SPATA16: variants seen among roughly 807,000 people sequenced by gnomAD.
SPATA16 encodes the protein spermatogenesis associated 16.
Under a neutral mutation model 63.3 loss-of-function variants are expected in SPATA16, and 36 were observed. The ratio of observed to expected loss-of-function variants is 0.57; its 90% CI spans 0.44 to 0.75. The LOEUF is 0.75. Among genes scored for constraint, SPATA16 ranks in the 30% least tolerant of loss-of-function variants. SPATA16 has a pLI of 0.00. For synonymous variants in SPATA16, 203 were observed against 216.7 expected, an observed-to-expected ratio of 0.94 and a Z score of 0.56; for missense variants, 646 against 679.3, an observed-to-expected ratio of 0.95 and a Z score of 0.54.
intron 10 of SPATA16, among the ~76,000 whole-genome samples, chr3:172,911,184 G>A (rs79530999): frequency 0.019 from 2,883 of 152,224 alleles, 92 homozygotes; most frequent in African/African-American, 0.066. Flanking sequence ...TTCTGTAGTA[G>A]CAGCCAAATT....
chr3:173,097,116 G>A (rs1290310274), intron 2 of SPATA16, among the ~76,000 whole-genome samples: 2 of 151,970 alleles, frequency 1.3e-5, no homozygotes, highest in South Asian at 2.1e-4. Flanking sequence ...ATCTCATACC[G>A]TTTTGCCTTA....
At chr3:173,115,651 A>G (rs1162138409) in intron 2 of SPATA16, among the ~76,000 whole-genome samples, 1 of 152,180 alleles carries the variant, frequency 6.6e-6, no homozygotes, top group Non-Finnish European at 1.5e-5. Flanking sequence ...TTTGTGTGCT[A>G]CCTAATTACT....
At chr3:173,135,555 A>T (rs1738522806) in intron 1 of SPATA16, among the ~76,000 whole-genome samples, 1 of 152,228 alleles carries the variant, frequency 6.6e-6, no homozygotes, top group African/African-American at 2.4e-5. Context: ...CATAGAAAAG[A>T]TAAAAATATT....
chr3:173,063,232 A>G (rs1193600359), intron 2 of SPATA16, among the ~76,000 whole-genome samples: 1 of 152,214 alleles, frequency 6.6e-6, no homozygotes, highest in African/African-American at 2.4e-5. Flanking sequence ...ATAGGTCAAC[A>G]TGTATTGAGC....
chr3:173,033,546 G>A (rs1454929516), intron 3 of SPATA16, among the ~76,000 whole-genome samples: 1 of 152,048 alleles, frequency 6.6e-6, no homozygotes, highest in Non-Finnish European at 1.5e-5. Context: ...AGCTCTCAAG[G>A]TTCAGAAACC....
chr3:173,023,338 C>G (rs1274625579), intron 3 of SPATA16, among the ~76,000 whole-genome samples: 1 of 151,974 alleles, frequency 6.6e-6, no homozygotes, highest in East Asian at 1.9e-4. Context: ...ACACTTGGGT[C>G]TATGGCTGGG....
intron 5 of SPATA16, among the ~76,000 whole-genome samples, 176 bp downstream of exon 5, chr3:172,976,792 C>T (rs1032336532): frequency 6.6e-6 from 1 of 151,880 alleles, no homozygotes; most frequent in African/African-American, 2.4e-5. Context: ...GAATTTTGCC[C>T]CTAGAATTAG....
rs1253373752 is a variant in SPATA16 at position 172,925,554 on chromosome 3, TC to T, written c.1082-63del. On this transcript the variant is annotated intron_variant, in intron 6 of 10. Coordinates refer to ENST00000351008, the MANE Select transcript of SPATA16 (RefSeq NM_031955.6). ...TATGGTTTTAATATTTTTAGGGTTT[TC>T]CCCCCCAGATTTCAGGAATTGTACT... is the stretch of plus-strand genomic sequence containing the variant. The T allele has an allele frequency of 5.6e-6, 9 of 1,604,444 alleles. No individual in the cohort carries two copies. The Admixed American group carries it at 6.7e-5, about 12-fold the overall frequency.
At chr3:172,901,066 A>G (rs1732117334) in intron 10 of SPATA16, among the ~76,000 whole-genome samples, 1 of 151,702 alleles carries the variant, frequency 6.6e-6, no homozygotes, top group South Asian at 2.1e-4. Flanking sequence ...CAGTTCTAAA[A>G]TTTCTATTTA....
intron 5 of SPATA16, among the ~76,000 whole-genome samples, chr3:172,961,126 C>G (rs1040751114): frequency 1.5e-5 from 2 of 132,586 alleles, no homozygotes; most frequent in African/African-American, 5.6e-5. Flanking sequence ...TCCTTCCTTC[C>G]TTTCTCTTTC....
intron 5 of SPATA16, among the ~76,000 whole-genome samples, chr3:172,964,832 A>G (rs1733875860): frequency 1.3e-5 from 2 of 152,154 alleles, no homozygotes; most frequent in African/African-American, 4.8e-5. Flanking sequence ...AATTTGTTTT[A>G]TCTTTTGGGC....
At chr3:173,023,542 A>T (rs908168461) in intron 3 of SPATA16, among the ~76,000 whole-genome samples, 1 of 151,978 alleles carries the variant, frequency 6.6e-6, no homozygotes, top group African/African-American at 2.4e-5. Context: ...TCCAGCTACA[A>T]AAAGATCATT....
At chr3:173,089,186 C>T (rs484212) in intron 2 of SPATA16, among the ~76,000 whole-genome samples, 2,112 of 152,202 alleles carry the variant, frequency 0.014, 25 homozygotes, top group Admixed American at 0.028. Flanking sequence ...AGAATACATC[C>T]ATAGAGAATT....
At chr3:172,990,225 G>A (rs1734544383) in intron 4 of SPATA16, among the ~76,000 whole-genome samples, 1 of 152,230 alleles carries the variant, frequency 6.6e-6, no homozygotes, top group Non-Finnish European at 1.5e-5. Flanking sequence ...AGCTCCATAA[G>A]GGCAGGCATT....
At chr3:173,119,024 G>T (rs895847653) in intron 1 of SPATA16, among the ~76,000 whole-genome samples, 1 of 152,148 alleles carries the variant, frequency 6.6e-6, no homozygotes, top group Non-Finnish European at 1.5e-5. Flanking sequence ...TCATTTGTTT[G>T]TTTGGAAGAC....
chr3:173,063,274 C>T (rs1340927911), intron 2 of SPATA16, among the ~76,000 whole-genome samples: 1 of 152,108 alleles, frequency 6.6e-6, no homozygotes, highest in African/African-American at 2.4e-5. Context: ...TTGCATTAAT[C>T]ACTTATGTCT....
At chr3:172,970,125 T>C (rs189027929) in intron 5 of SPATA16, among the ~76,000 whole-genome samples, 12 of 152,304 alleles carry the variant, frequency 7.9e-5, no homozygotes, top group Admixed American at 7.2e-4. Context: ...AATTGCATTA[T>C]TTATTAAAAA....
intron 1 of SPATA16, among the ~76,000 whole-genome samples, chr3:173,133,688 T>C (rs1010633750): frequency 3.3e-5 from 5 of 151,970 alleles, no homozygotes; most frequent in South Asian, 2.1e-4. Flanking sequence ...TATAAAAAAA[T>C]TGATGAATAC....
intron 4 of SPATA16, among the ~76,000 whole-genome samples, chr3:172,992,671 C>A (rs751637272): frequency 6.6e-6 from 1 of 152,008 alleles, no homozygotes; most frequent in Non-Finnish European, 1.5e-5. Flanking sequence ...TTGATGGTGA[C>A]CCTGTTAATG....
Sources: allele counts gnomAD v4.1 joint callset (sites outside exome capture counted in the v4.1 genomes callset), GRCh38; gene constraint gnomAD v4.1.1; transcripts MANE v1.5; gene names NCBI Gene and HGNC (gene_info 2026-07-23, HGNC 2026-07-21).